Variants in LRRC39 observed in about 807,000 individuals in gnomAD.
LRRC39 encodes leucine rich repeat containing 39, also known as leucine-rich repeat-containing protein 39.
A neutral mutation model predicts 39.7 loss-of-function variants in LRRC39; 35 were observed. The observed-to-expected ratio is 0.88, with a 90% CI of 0.67 to 1.17. The LOEUF (loss-of-function observed/expected upper bound fraction) is 1.17. Ranked by LOEUF, LRRC39 falls within the 50% of genes most tolerant of loss-of-function variation. The pLI is 0.00. For missense variants in LRRC39, 357 were observed against 385.8 expected, an observed-to-expected ratio of 0.93 and a Z score of 0.62; for synonymous variants, 113 against 134.1, an observed-to-expected ratio of 0.84 and a Z score of 1.09.
chr1:100,153,491 T>C (rs1658206878), intron 8 of LRRC39, among the ~76,000 whole-genome samples: 1 of 152,012 alleles, frequency 6.6e-6, no homozygotes, highest in African/African-American at 2.4e-5. Context: ...GTAAAAGTAA[T>C]AATCAACAGT....
rs570038255 is a variant in LRRC39 at position 100,178,213 on chromosome 1, G to C, written c.-197C>G. The C allele has an allele frequency of 3.3e-5, 5 of 152,108 alleles. No homozygotes were observed. The highest frequency in any genetic ancestry group is 3.3e-4 in the Admixed American group (5 of 15,254). The allele number at this position is 152,108 out of a possible 1,614,324, so 9.4% of individuals were successfully genotyped here. On this transcript the variant is annotated 5_prime_UTR_variant, in exon 1 of 10. It adds an upstream start codon to the 5' untranslated region. Coordinates refer to ENST00000370137, the MANE Select transcript of LRRC39 (RefSeq NM_144620.4). ...TTTTTTTTTCAGTGTGGCTCCAAAT[G>C]ATTAAAATCCCCAGTCAGCTGTAAC...
At chr1:100,156,396 A>C (rs886723962) in intron 6 of LRRC39, 79 bp from the exon 7 acceptor site, 1 of 1,321,184 alleles carries the variant, frequency 7.6e-7, no homozygotes, top group African/African-American at 1.5e-5. Context: ...TAAAGGAGAT[A>C]TTTCACATCC....
intron 1 of LRRC39, among the ~76,000 whole-genome samples, chr1:100,175,591 G>C (rs1296281402): frequency 6.6e-6 from 1 of 152,052 alleles, no homozygotes; most frequent in Non-Finnish European, 1.5e-5. Context: ...GAAAATAAAA[G>C]GAATACCATG....
At chr1:100,174,673 G>T (rs1407043961) in intron 1 of LRRC39, among the ~76,000 whole-genome samples, 2 of 152,142 alleles carry the variant, frequency 1.3e-5, no homozygotes, top group African/African-American at 4.8e-5. Flanking sequence ...AATTCCATGT[G>T]AATTGTAGAT....
chr1:100,166,719 G>A (rs535312755), intron 3 of LRRC39, among the ~76,000 whole-genome samples: 2 of 152,238 alleles, frequency 1.3e-5, no homozygotes, highest in South Asian at 2.1e-4. Flanking sequence ...CTGAGGATGT[G>A]ATAGAAAAGA....
chr1:100,157,301 A>G (rs1404582228), intron 6 of LRRC39, among the ~76,000 whole-genome samples: 2 of 151,952 alleles, frequency 1.3e-5, no homozygotes, highest in Non-Finnish European at 2.9e-5. Flanking sequence ...GCCTCATGAG[A>G]TCTGATGGTT....
At chr1:100,153,484 AAAGT>A (rs1658206677) in intron 8 of LRRC39, among the ~76,000 whole-genome samples, 1 of 152,214 alleles carries the variant, frequency 6.6e-6, no homozygotes. Flanking sequence ...CTGCACAGTA[AAAGT>A]AATAATCAAC....
intron 3 of LRRC39, among the ~76,000 whole-genome samples, chr1:100,167,586 C>A (rs938345626): frequency 7.9e-5 from 12 of 151,924 alleles, no homozygotes; most frequent in Non-Finnish European, 1.5e-4. Context: ...ACCAGCCTGG[C>A]CAACATGGTG....
chr1:100,154,939 C>A, intron 8 of LRRC39, 112 bp downstream of exon 8: 2 of 939,960 alleles, frequency 2.1e-6, no homozygotes, highest in Non-Finnish European at 3.0e-6. Flanking sequence ...TTTAAGATAT[C>A]CATTCACATA....
At chr1:100,165,708 T>C (rs926420801) in intron 3 of LRRC39, among the ~76,000 whole-genome samples, 1 of 152,134 alleles carries the variant, frequency 6.6e-6, no homozygotes, top group Non-Finnish European at 1.5e-5. Flanking sequence ...GATATGGTTT[T>C]GCTATGTCCC....
At chr1:100,170,138 A>G (rs998389423) in intron 2 of LRRC39, among the ~76,000 whole-genome samples, 2 of 152,226 alleles carry the variant, frequency 1.3e-5, no homozygotes, top group African/African-American at 2.4e-5. Context: ...TCCACTCCTA[A>G]GTATATAGAA....
chr1:100,163,950 G>A (rs949107871), intron 3 of LRRC39, among the ~76,000 whole-genome samples: 1 of 152,110 alleles, frequency 6.6e-6, no homozygotes, highest in African/African-American at 2.4e-5. Flanking sequence ...TTGTGGGCCT[G>A]TAATCCCAGC....
Position 100,158,363 on chromosome 1 carries a change from C to A in LRRC39, c.381G>T (p.Leu127=). The stretch of plus-strand genomic sequence containing the variant: ...GAATCAGTTCCTGAAGTCTAGTAAG[C>A]AGTCCTATAAAAAATAATATACAAT... ...TISEIPPGIG[L]LTRLQELILS... Residue 127 remains leucine (L), a synonymous_variant, in exon 6 of 10, where the codon CTG becomes CTT. Coordinates refer to ENST00000370137, the MANE Select transcript of LRRC39 (RefSeq NM_144620.4). 6.2e-7 allele frequency: 1 copy of A among 1,611,912 alleles called. No homozygotes were observed. The highest frequency in any genetic ancestry group is 1.1e-5 in the South Asian group (1 of 90,950).
intron 2 of LRRC39, among the ~76,000 whole-genome samples, chr1:100,171,430 A>G (rs1413308942): frequency 6.6e-6 from 1 of 152,096 alleles, no homozygotes; most frequent in Non-Finnish European, 1.5e-5. Context: ...CTAGAAATCA[A>G]TAATGAAAAG....
intron 3 of LRRC39, among the ~76,000 whole-genome samples, chr1:100,163,410 C>G (rs926089841): frequency 6.6e-6 from 1 of 152,088 alleles, no homozygotes. Context: ...CTGTAAAGAT[C>G]GCTAAATTCT....
intron 8 of LRRC39, among the ~76,000 whole-genome samples, chr1:100,154,551 A>G (rs967362148): frequency 6.6e-6 from 1 of 152,202 alleles, no homozygotes; most frequent in African/African-American, 2.4e-5. Context: ...CTAAAAAATT[A>G]CATAATACTG....
intron 2 of LRRC39, among the ~76,000 whole-genome samples, chr1:100,171,673 T>G (rs1220991776): frequency 6.6e-6 from 1 of 151,196 alleles, no homozygotes; most frequent in Admixed American, 6.6e-5. Flanking sequence ...TGGCTTGTTT[T>G]TTTTTTTTTT....
At chr1:100,171,289 A>G (rs756253638) in intron 2 of LRRC39, among the ~76,000 whole-genome samples, 14 of 152,174 alleles carry the variant, frequency 9.2e-5, no homozygotes, top group Non-Finnish European at 1.6e-4. Flanking sequence ...GACAGAATAC[A>G]TAATGCTTTA....
chr1:100,156,358 A>T, intron 6 of LRRC39, 41 bp from the exon 7 acceptor site: 1 of 1,563,056 alleles, frequency 6.4e-7, no homozygotes. Context: ...AATGTCCACA[A>T]TGTAAACTAC....
Sources: allele counts gnomAD v4.1 joint callset (sites outside exome capture counted in the v4.1 genomes callset), GRCh38; gene constraint gnomAD v4.1.1; transcripts MANE v1.5; gene names NCBI Gene and HGNC (gene_info 2026-07-23, HGNC 2026-07-21).